Variants in ATP1A1 observed in about 807,000 individuals in gnomAD.
ATP1A1 encodes the protein ATPase Na+/K+ transporting subunit alpha 1, also known as sodium/potassium-transporting ATPase subunit alpha-1.
In ATP1A1, 14 loss-of-function variants were observed where a neutral mutation model predicts 114.8. That is an observed-to-expected ratio of 0.12 (90% CI 0.08 to 0.19). The LOEUF is 0.19. ATP1A1 is among the 10% of genes least tolerant of loss of function. The pLI, the probability that ATP1A1 is intolerant of heterozygous loss-of-function variation, is 1.00. For synonymous variants in ATP1A1, 471 were observed against 466.3 expected (o/e 1.01, Z -0.13); for missense variants, 524 against 1,290.7 (o/e 0.41, Z 9.10).
chr1:116,379,522 C>T (rs1651598907), intron 1 of ATP1A1, among the ~76,000 whole-genome samples: 1 of 149,136 alleles, frequency 6.7e-6, no homozygotes, highest in Admixed American at 6.6e-5. Context: ...AACTAAACTA[C>T]TTAGTCATTT....
At chr1:116,376,750 AGTG>A (rs1327255564) in intron 1 of ATP1A1, among the ~76,000 whole-genome samples, 1 of 152,166 alleles carries the variant, frequency 6.6e-6, no homozygotes, top group Non-Finnish European at 1.5e-5. Context: ...ATGGGGAGAG[AGTG>A]GTAAACCTGA....
At position 116,387,170 on chromosome 1, in the gene ATP1A1, G is replaced by C; in HGVS notation, c.184-118G>C. The stretch of plus-strand genomic sequence containing the variant: ...TGCTAGGTTTTACCTTGGCTCTCTA[G>C]CTTGGGACATTTTGTTTCTTCCTTA... On this transcript the variant is annotated intron_variant, in intron 3 of 22. Coordinates refer to ENST00000295598, the MANE Select transcript of ATP1A1 (RefSeq NM_000701.8). This position sits in a 1 kb window ranked among gnomAD's most constrained non-coding sequence, Gnocchi z 6.7. 1 of 1,222,426 alleles carries C rather than the reference G, an allele frequency of 8.2e-7. No homozygotes were observed. Among genetic ancestry groups the C allele is most frequent in the African/African-American group, 1.5e-5 (1 of 66,452 alleles). The allele number at this position is 1,222,426 out of a possible 1,614,324, so 75.7% of individuals were successfully genotyped here. A position where few individuals can be genotyped will look rare whatever the true frequency, so the allele number is the denominator to read the frequency against.
In ATP1A1 at chr1:116,393,476, A is replaced by G. The variant is rs1652638206; in HGVS notation, c.1468-55A>G. On this transcript the variant is annotated intron_variant, in intron 11 of 22. Coordinates refer to ENST00000295598, the MANE Select transcript of ATP1A1 (RefSeq NM_000701.8). The surrounding 1 kb of genome is among the most constrained non-coding windows in gnomAD (Gnocchi z 5.0). The stretch of plus-strand genomic sequence containing the variant: ...AGTAAGTGAAGCTTTGTTTTCCACC[A>G]TGGACTGCCACACATCCAACCATCC... The G allele has an allele frequency of 1.9e-5, 30 of 1,541,160 alleles. No homozygotes were observed. The highest frequency in any genetic ancestry group is 2.6e-5 in the Non-Finnish European group (30 of 1,135,712).
In ATP1A1 at chr1:116,399,335, A is replaced by G. The variant is rs1201222286; in HGVS notation, c.2449-85A>G. Reference sequence around the variant, plus strand: ...TTCACCTAAAAGATTTTTAAATGGGAGGGCAAGAATTTTATAACAAAAGGT... The same window carrying G: ...TTCACCTAAAAGATTTTTAAATGGGGGGGCAAGAATTTTATAACAAAAGGT... On this transcript the variant is annotated intron_variant, in intron 17 of 22. Coordinates refer to ENST00000295598, the MANE Select transcript of ATP1A1 (RefSeq NM_000701.8). The surrounding 1 kb of genome is among the most constrained non-coding windows in gnomAD (Gnocchi z 5.0). The G allele has an allele frequency of 6.6e-7, 1 of 1,521,376 alleles. No individual in the cohort carries two copies. The highest frequency in any genetic ancestry group is 1.4e-5 in the African/African-American group (1 of 71,458). 94.2% of individuals were successfully genotyped at this position (1,521,376 alleles called of 1,614,324 possible).
chr1:116,404,558 C>G lies in ATP1A1; in HGVS notation c.*114C>G, dbSNP rs1193353823. The stretch of plus-strand genomic sequence containing the variant: ...GGAACTCTACCCTGGTAGGAAAGCA[C>G]CGCAGCATGTGGGGAAGCAAGACGT... On this transcript the variant is annotated 3_prime_UTR_variant, in exon 23 of 23. Transcript: ENST00000295598. The surrounding 1 kb of genome is among the most constrained non-coding windows in gnomAD (Gnocchi z 4.8). 1.4e-6 allele frequency: 2 copies of G among 1,446,300 alleles called. No individual in the cohort carries two copies. The highest frequency in any genetic ancestry group is 5.9e-5 in the Admixed American group (2 of 34,144). 89.6% of individuals were successfully genotyped at this position (1,446,300 alleles called of 1,614,324 possible).
rs1248823681 is a variant in ATP1A1, at chr1:116,400,947, C to T, written c.2659C>T (p.Arg887Ter). The T allele has an allele frequency of 1.2e-6, 2 of 1,614,160 alleles. No homozygotes were observed. The highest frequency in any genetic ancestry group is 2.2e-5 in the East Asian group (1 of 44,878). Residue 887 changes from arginine (R) to a stop codon, truncating the protein, a stop_gained, in exon 19 of 23, where the codon CGA becomes TGA. Coordinates refer to ENST00000295598, the MANE Select transcript of ATP1A1 (RefSeq NM_000701.8). LOFTEE classifies it high-confidence loss of function. ...GFLPIHLLGL[R>*]VDWDDRWIND... Reference sequence around the variant, plus strand: ...CCTCCCAATTCACCTGTTGGGCCTCCGAGTGGACTGGGATGACCGCTGGAT... The same window carrying T: ...CCTCCCAATTCACCTGTTGGGCCTCTGAGTGGACTGGGATGACCGCTGGAT...
Position 116,393,082 on chromosome 1 carries a change from G to C in ATP1A1, c.1467+94G>C. 2 of 1,532,564 alleles carry C rather than the reference G, an allele frequency of 1.3e-6. No individual in the cohort carries two copies. Among genetic ancestry groups the C allele is most frequent in the Non-Finnish European group, 1.8e-6 (2 of 1,136,240 alleles). The allele number at this position is 1,532,564 out of a possible 1,614,324, so 94.9% of individuals were successfully genotyped here. A position where few individuals can be genotyped will look rare whatever the true frequency, so the allele number is the denominator to read the frequency against. On this transcript the variant is annotated intron_variant, in intron 11 of 22. Coordinates refer to ENST00000295598, the MANE Select transcript of ATP1A1 (RefSeq NM_000701.8). The surrounding 1 kb of genome is among the most constrained non-coding windows in gnomAD (Gnocchi z 5.0). Reference sequence around the variant, plus strand: ...AGGAAGAGGAAATATTCTCCCTTTGGAGTTTTATAAGCTTTAGCTTTAAAT... The same window carrying C: ...AGGAAGAGGAAATATTCTCCCTTTGCAGTTTTATAAGCTTTAGCTTTAAAT...
At chr1:116,377,677 C>T (rs1651461380) in intron 1 of ATP1A1, among the ~76,000 whole-genome samples, 1 of 152,180 alleles carries the variant, frequency 6.6e-6, no homozygotes, top group African/African-American at 2.4e-5. Context: ...GAGAGGGAGC[C>T]TGAACATTTG....
chr1:116,390,455 G>A (rs367981630), intron 9 of ATP1A1, 44 bp downstream of exon 9: 38 of 1,533,858 alleles, frequency 2.5e-5, no homozygotes, highest in Admixed American at 1.0e-4. Context: ...TGCTGACTTC[G>A]CTTGGTTTTT....
chr1:116,398,107 C>G lies in ATP1A1; in HGVS notation c.2124+69C>G. The G allele has an allele frequency of 1.3e-6, 2 of 1,581,290 alleles. No homozygotes were observed. Among genetic ancestry groups the G allele is most frequent in the East Asian group, 2.2e-5 (1 of 44,672 alleles). On this transcript the variant is annotated intron_variant, in intron 15 of 22. Coordinates refer to ENST00000295598, the MANE Select transcript of ATP1A1 (RefSeq NM_000701.8). This position sits in a 1 kb window ranked among gnomAD's most constrained non-coding sequence, Gnocchi z 6.1. ...TTAGGGATTGGAGTTCCAGTGGAAACAGAGCAACGGTGATGGATGGATGCA... is the reference window on the plus strand; with the variant it reads ...TTAGGGATTGGAGTTCCAGTGGAAAGAGAGCAACGGTGATGGATGGATGCA...
chr1:116,399,476 G>A lies in ATP1A1; in HGVS notation c.2505G>A (p.Gln835=), dbSNP rs533104598. 44 of 1,613,986 alleles carry A rather than the reference G, an allele frequency of 2.7e-5. No homozygotes were observed. The highest frequency in any genetic ancestry group is 3.5e-5 in the Non-Finnish European group (41 of 1,180,024). The change falls in exon 18 of 23, where the codon CAG becomes CAA. Residue 835 remains glutamine, a synonymous_variant. Coordinates refer to ENST00000295598, the MANE Select transcript of ATP1A1 (RefSeq NM_000701.8). This position sits in a 1 kb window ranked among gnomAD's most constrained non-coding sequence, Gnocchi z 5.0. ...EQAESDIMKR[Q]PRNPKTDKLV... ...CTGAGAGTGACATCATGAAGAGACA[G>A]CCCAGAAATCCCAAAACAGACAAAC...
rs909236568 is a variant in ATP1A1 at position 116,373,249 on chromosome 1, T to G, written c.-263T>G. On this transcript the variant is annotated 5_prime_UTR_variant, in exon 1 of 23. Transcript: ENST00000295598. Reference sequence around the variant, plus strand: ...GTGAGGAGGAGGCGCGGGCTGGAGCTGCGGCGGGGTCTGGGGCGCAGAGCA... The same window carrying G: ...GTGAGGAGGAGGCGCGGGCTGGAGCGGCGGCGGGGTCTGGGGCGCAGAGCA... 2.8e-6 allele frequency: 1 copy of G among 358,682 alleles called. No homozygotes were observed. Among genetic ancestry groups the G allele is most frequent in the African/African-American group, 2.1e-5 (1 of 46,824 alleles). The allele number at this position is 358,682 out of a possible 1,614,324, so 22.2% of individuals were successfully genotyped here. A position where few individuals can be genotyped will look rare whatever the true frequency, so the allele number is the denominator to read the frequency against.
chr1:116,382,636 G>A (rs1189064145), intron 1 of ATP1A1: 1 of 152,212 alleles, frequency 6.6e-6, no homozygotes, highest in African/African-American at 2.4e-5. Flanking sequence ...CAGTGAATTT[G>A]GAGAAGGATT....
chr1:116,397,966 C>T lies in ATP1A1; in HGVS notation c.2052C>T (p.Tyr684=), dbSNP rs1408511040. ...AGCAGCTGGATGACATTTTGAAGTA[C>T]CACACTGAGATAGTGTTTGCCAGGA... ...TSEQLDDILK[Y]HTEIVFARTS... The change falls in exon 15 of 23, where the codon TAC becomes TAT. Residue 684 remains tyrosine (Y), a synonymous_variant. Transcript: ENST00000295598. This position sits in a 1 kb window ranked among gnomAD's most constrained non-coding sequence, Gnocchi z 4.2. 8.7e-6 allele frequency: 14 copies of T among 1,613,486 alleles called. No individual in the cohort carries two copies. Among genetic ancestry groups the T allele is most frequent in the Non-Finnish European group, 1.1e-5 (13 of 1,179,952 alleles).
chr1:116,393,139 T>G lies in ATP1A1; in HGVS notation c.1467+151T>G. 8.9e-7 allele frequency: 1 copy of G among 1,119,070 alleles called. No individual in the cohort carries two copies. The highest frequency in any genetic ancestry group is 2.8e-5 in the Admixed American group (1 of 35,610). The allele number at this position is 1,119,070 out of a possible 1,614,324, so 69.3% of individuals were successfully genotyped here. A position where few individuals can be genotyped will look rare whatever the true frequency, so the allele number is the denominator to read the frequency against. ...CTTGATTACCATAGAATGCCATAAT[T>G]TAGTTGAATATCAGCAGGATAAATG... On this transcript the variant is annotated intron_variant, in intron 11 of 22. Coordinates refer to ENST00000295598, the MANE Select transcript of ATP1A1 (RefSeq NM_000701.8). This position sits in a 1 kb window ranked among gnomAD's most constrained non-coding sequence, Gnocchi z 5.0.
In ATP1A1 at chr1:116,395,389, C is replaced by A; in HGVS notation, c.1836+104C>A. ...CCAGATGGCCAGCTGTTCTATCTCA[C>A]CTGGAGTATTAATTTCTCATCTCCA... On this transcript the variant is annotated intron_variant, in intron 13 of 22. Coordinates refer to ENST00000295598, the MANE Select transcript of ATP1A1 (RefSeq NM_000701.8). The surrounding 1 kb of genome is among the most constrained non-coding windows in gnomAD (Gnocchi z 6.4). The A allele has an allele frequency of 8.1e-7, 1 of 1,235,250 alleles. No individual in the cohort carries two copies. Among genetic ancestry groups the A allele is most frequent in the Non-Finnish European group, 1.1e-6 (1 of 907,218 alleles). The allele number at this position is 1,235,250 out of a possible 1,614,324, so 76.5% of individuals were successfully genotyped here.
chr1:116,374,347 T>G (rs1014174970), intron 1 of ATP1A1: 2 of 1,518,088 alleles, frequency 1.3e-6, no homozygotes, highest in South Asian at 1.2e-5. Flanking sequence ...AGATTTTTTT[T>G]GAAGGGACGA....
At chr1:116,376,052 C>T (rs955652116) in intron 1 of ATP1A1, among the ~76,000 whole-genome samples, 1 of 152,066 alleles carries the variant, frequency 6.6e-6, no homozygotes, top group African/African-American at 2.4e-5. Flanking sequence ...AAACCGTCAG[C>T]TAGGCCTACC....
rs372681379 is a variant in ATP1A1, at chr1:116,396,698, C to T, written c.1937C>T (p.Ala646Val). ...EGNETVEDIAARLNIPVSQVN... is the reference protein window; with the variant it reads ...EGNETVEDIAVRLNIPVSQVN... The stretch of plus-strand genomic sequence containing the variant: ...AATGAGACCGTGGAAGACATTGCTG[C>T]CCGCCTCAACATCCCAGTCAGCCAG... Residue 646 changes from alanine (A) to valine (V), a missense_variant, in exon 14 of 23, where the codon GCC (alanine) becomes GTC (valine). Physicochemically the swap from Ala to Val is moderately conservative, Grantham distance 64. Coordinates refer to ENST00000295598, the MANE Select transcript of ATP1A1 (RefSeq NM_000701.8). The T allele has an allele frequency of 6.9e-6, 11 of 1,597,708 alleles. No individual in the cohort carries two copies. The highest frequency in any genetic ancestry group is 9.4e-6 in the Non-Finnish European group (11 of 1,169,758).
Sources: allele counts gnomAD v4.1 joint callset (sites outside exome capture counted in the v4.1 genomes callset), GRCh38; gene constraint gnomAD v4.1.1; non-coding constraint Gnocchi (gnomAD v3.1); transcripts MANE v1.5; gene names NCBI Gene and HGNC (gene_info 2026-07-23, HGNC 2026-07-21).